The following PCDH9 variants were observed in gnomAD, a reference collection of about 807,000 sequenced individuals.
PCDH9 encodes the protein protocadherin 9.
Under a neutral mutation model 70.6 loss-of-function variants are expected in PCDH9, and 24 were observed. The ratio of observed to expected loss-of-function variants is 0.34; its 90% CI spans 0.25 to 0.48. The LOEUF is 0.48. Ranked by LOEUF, PCDH9 falls within the 20% of genes least tolerant of loss-of-function variation. The pLI is 0.99. For synonymous variants in PCDH9, 562 were observed against 558.5 expected, an observed-to-expected ratio of 1.01 and a Z score of -0.09; for missense variants, 1,281 against 1,503.6, an observed-to-expected ratio of 0.85 and a Z score of 2.45.
chr13:67,109,565 G>A (rs1445728023), intron 2 of PCDH9, among the ~76,000 whole-genome samples: 2 of 152,066 alleles, frequency 1.3e-5, no homozygotes, highest in African/African-American at 4.8e-5. Flanking sequence ...TGTGTCTAAT[G>A]CTTCCTAACC....
intron 3 of PCDH9, among the ~76,000 whole-genome samples, chr13:66,800,112 C>A (rs1042470618): frequency 3.3e-5 from 5 of 152,090 alleles, no homozygotes; most frequent in African/African-American, 1.2e-4. Flanking sequence ...GAATAAAATC[C>A]AAACTATTTT....
chr13:67,055,655 G>T (rs2085404419), intron 2 of PCDH9, among the ~76,000 whole-genome samples: 1 of 150,204 alleles, frequency 6.7e-6, no homozygotes, highest in African/African-American at 2.4e-5. Context: ...AAAAAAATTA[G>T]CTGGGCATGA....
At chr13:66,467,069 T>G (rs1958527163) in intron 4 of PCDH9, among the ~76,000 whole-genome samples, 1 of 152,040 alleles carries the variant, frequency 6.6e-6, no homozygotes, top group Non-Finnish European at 1.5e-5. Context: ...CCTAATACAA[T>G]GGGGAAGTAG....
chr13:67,141,772 T>C (rs1316817006), intron 2 of PCDH9, among the ~76,000 whole-genome samples: 2 of 146,616 alleles, frequency 1.4e-5, no homozygotes, highest in Non-Finnish European at 3.0e-5. Context: ...AAAAAAGAAG[T>C]TGGGAAACAG....
At chr13:66,974,718 C>T (rs780930229) in intron 2 of PCDH9, among the ~76,000 whole-genome samples, 2 of 152,058 alleles carry the variant, frequency 1.3e-5, no homozygotes, top group Non-Finnish European at 2.9e-5. Context: ...AGCTTAATTA[C>T]ACATTTTAGA....
chr13:66,745,223 A>T (rs970306530), intron 3 of PCDH9, among the ~76,000 whole-genome samples: 1 of 152,172 alleles, frequency 6.6e-6, no homozygotes, highest in Non-Finnish European at 1.5e-5. Context: ...TGATGATCTG[A>T]ATGATGTCTT....
chr13:66,504,861 A>T (rs1959195768), intron 4 of PCDH9, among the ~76,000 whole-genome samples: 1 of 152,146 alleles, frequency 6.6e-6, no homozygotes, highest in Non-Finnish European at 1.5e-5. Flanking sequence ...TGCCATGGTT[A>T]TCTTTTCCCA....
chr13:66,538,660 G>T (rs1258684264), intron 4 of PCDH9, among the ~76,000 whole-genome samples: 1 of 151,838 alleles, frequency 6.6e-6, no homozygotes, highest in Non-Finnish European at 1.5e-5. Flanking sequence ...TCAACTGATT[G>T]AATAAGCCTC....
At chr13:66,849,499 T>TAG (rs1375709431) in intron 3 of PCDH9, among the ~76,000 whole-genome samples, 24 of 70,572 alleles carry the variant, frequency 3.4e-4, no homozygotes, top group Non-Finnish European at 6.3e-4. Context: ...TATATATATA[T>TAG]ATATATATAT....
intron 4 of PCDH9, among the ~76,000 whole-genome samples, chr13:66,334,153 T>C (rs982976050): frequency 1.3e-5 from 2 of 152,092 alleles, no homozygotes; most frequent in African/African-American, 4.8e-5. Flanking sequence ...TCAAACTGTG[T>C]TTCTTTAACC....
chr13:66,980,263 C>T (rs185619042), intron 2 of PCDH9, among the ~76,000 whole-genome samples: 27 of 152,168 alleles, frequency 1.8e-4, no homozygotes, highest in Admixed American at 1.5e-3. Context: ...CCCACACCAC[C>T]CCCATTCAAT....
intron 2 of PCDH9, among the ~76,000 whole-genome samples, chr13:66,973,981 T>C (rs112579855): frequency 6.6e-6 from 1 of 152,008 alleles, no homozygotes; most frequent in Non-Finnish European, 1.5e-5. Flanking sequence ...AACAGGAGTA[T>C]GGAAACTGGA....
chr13:67,203,784 G>A (rs2138060188), intron 2 of PCDH9: 1 of 152,080 alleles, frequency 6.6e-6, no homozygotes, highest in African/African-American at 2.4e-5. Context: ...CCAAATTAAA[G>A]TCTAAGAACA....
Position 66,475,738 on chromosome 13 carries a change from G to A in PCDH9, c.3340+155472C>T, listed in dbSNP as rs924384051. 3.9e-5 allele frequency among the ~76,000 whole-genome samples: 6 copies of A among 151,992 alleles called. No homozygotes were observed. In the East Asian group the frequency reaches 9.7e-4, roughly 24 times the overall value. Reference sequence around the variant, plus strand: ...GAATCATATTTAGCTCACCAATAAAGCCACACAGCTGTACGCCCAGAAAGG... The same window carrying A: ...GAATCATATTTAGCTCACCAATAAAACCACACAGCTGTACGCCCAGAAAGG... On this transcript the variant is annotated intron_variant, in intron 4 of 4. Coordinates refer to ENST00000377865, the MANE Select transcript of PCDH9 (RefSeq NM_203487.3).
intron 3 of PCDH9, among the ~76,000 whole-genome samples, chr13:66,748,516 T>C (rs1288487735): frequency 6.6e-6 from 1 of 152,222 alleles, no homozygotes; most frequent in East Asian, 1.9e-4. Flanking sequence ...TTTGCTTTGA[T>C]TTCATTATTT....
intron 4 of PCDH9, among the ~76,000 whole-genome samples, chr13:66,568,790 C>G (rs1051353742): frequency 6.6e-6 from 1 of 150,716 alleles, no homozygotes; most frequent in African/African-American, 2.4e-5. Context: ...AATATAGGTG[C>G]ATCTTGAACA....
chr13:67,207,125 A>C (rs1187769390), intron 2 of PCDH9: 1 of 151,572 alleles, frequency 6.6e-6, no homozygotes, highest in African/African-American at 2.4e-5. Context: ...TCAGTGGCAA[A>C]ATTTGTATAA....
chr13:66,898,453 C>A (rs1339080872), intron 3 of PCDH9, among the ~76,000 whole-genome samples: 1 of 151,742 alleles, frequency 6.6e-6, no homozygotes, highest in African/African-American at 2.4e-5. Flanking sequence ...AAATGATTTA[C>A]CTAATTATTT....
intron 4 of PCDH9, among the ~76,000 whole-genome samples, chr13:66,562,946 CATAT>C (rs146929208): frequency 6.6e-6 from 1 of 151,122 alleles, no homozygotes; most frequent in Non-Finnish European, 1.5e-5. Context: ...GCTGCACATA[CATAT>C]ATATATATAG....
Sources: gnomAD v4.1 joint callset for allele counts (sites outside exome capture counted in the v4.1 genomes callset) on GRCh38, gnomAD v4.1.1 for gene constraint, MANE v1.5 for transcripts, NCBI Gene and HGNC (gene_info 2026-07-23, HGNC 2026-07-21) for gene names.